Variants in LATS2 observed in about 807,000 individuals in gnomAD.
LATS2 encodes large tumor suppressor kinase 2.
A neutral mutation model predicts 76.0 loss-of-function variants in LATS2; 24 were observed. That is an observed-to-expected ratio of 0.32 (90% confidence interval 0.23 to 0.44). The LOEUF (loss-of-function observed/expected upper bound fraction) is 0.44. LATS2 is among the 20% of genes least tolerant of loss of function. The pLI, the probability that LATS2 is intolerant of heterozygous loss-of-function variation, is 1.00. For synonymous variants in LATS2, 692 were observed against 635.4 expected (o/e 1.09, Z -1.34); for missense variants, 1,286 against 1,481.2 (o/e 0.87, Z 2.16).
chr13:21,042,494 C>T (rs568169029), intron 2 of LATS2, among the ~76,000 whole-genome samples: 4 of 152,184 alleles, frequency 2.6e-5, no homozygotes, highest in East Asian at 3.9e-4. Context: ...TCCAGTCCAG[C>T]CTGGGTAACA....
Position 20,981,450 on chromosome 13 carries a change from G to C in LATS2, c.2665+16C>G, listed in dbSNP as rs1237839579. On this transcript the variant is annotated intron_variant, in intron 6 of 7. Coordinates refer to ENST00000382592, the MANE Select transcript of LATS2 (RefSeq NM_014572.3). ...AAGGAGACCTCCTGCGGGGTGGCTG[G>C]CCATGGCGCATGTACCTTTGCGGAG... 6.2e-7 allele frequency: 1 copy of C among 1,605,170 alleles called. No homozygotes were observed. The highest frequency in any genetic ancestry group is 1.3e-5 in the African/African-American group (1 of 74,764).
intron 2 of LATS2, among the ~76,000 whole-genome samples, chr13:21,031,335 G>A (rs1272818037): frequency 1.3e-5 from 2 of 152,204 alleles, no homozygotes; most frequent in East Asian, 3.9e-4. Flanking sequence ...ACATATACTG[G>A]ACAACCTCAT....
At chr13:21,020,517 T>A (rs979832694) in intron 2 of LATS2, among the ~76,000 whole-genome samples, 1 of 121,088 alleles carries the variant, frequency 8.3e-6, no homozygotes, top group African/African-American at 4.1e-5. Context: ...TACATCTACT[T>A]ACTAAGGAAA....
At chr13:20,985,044 A>T (rs1297107848) in intron 4 of LATS2, among the ~76,000 whole-genome samples, 2 of 152,222 alleles carry the variant, frequency 1.3e-5, no homozygotes, top group African/African-American at 4.8e-5. Flanking sequence ...CCAAGAATGT[A>T]CACTGAAAAA....
intron 1 of LATS2, among the ~76,000 whole-genome samples, 184 bp from the exon 2 acceptor site, chr13:21,046,414 G>A (rs900843608): frequency 1.3e-5 from 2 of 152,146 alleles, no homozygotes; most frequent in Non-Finnish European, 2.9e-5. Context: ...TGACATCTAC[G>A]GCTGTCCCAA....
chr13:21,045,740 G>A lies in LATS2; in HGVS notation c.287C>T (p.Ala96Val), dbSNP rs1873048159. The A allele has an allele frequency of 6.2e-7, 1 of 1,614,242 alleles. No individual in the cohort carries two copies. The highest frequency in any genetic ancestry group is 8.5e-7 in the Non-Finnish European group (1 of 1,180,036). ...CAGCATTTGCCGGTTCACTTCTGCA[G>A]CTGCAGAGGTGCCCGATTCATTAGC... ...PFANESGTSA[A>V]AEVNRQMLQE... The change falls in exon 2 of 8, where the codon GCT becomes GTT. Residue 96 changes from alanine to valine, a missense_variant. Physicochemically the swap from Ala to Val is moderately conservative, Grantham distance 64 (BLOSUM62 0). This residue lies in a region of LATS2 where 101 missense variants were observed against 141.4 expected (regional missense o/e 0.71). Coordinates refer to ENST00000382592, the MANE Select transcript of LATS2 (RefSeq NM_014572.3).
At chr13:21,007,489 A>G (rs1206370494) in intron 2 of LATS2, among the ~76,000 whole-genome samples, 1 of 129,284 alleles carries the variant, frequency 7.7e-6, no homozygotes, top group Non-Finnish European at 1.6e-5. Flanking sequence ...TCTTCCAATC[A>G]GAGCCAAGGA....
chr13:21,052,795 T>C lies in LATS2; in HGVS notation c.-204-6565A>G, dbSNP rs141162267. 6.2e-3 allele frequency among the ~76,000 whole-genome samples: 950 copies of C among 152,272 alleles called. 14 individuals are homozygous for C. The highest frequency in any genetic ancestry group is 0.021 in the African/African-American group (887 of 41,550). The stretch of plus-strand genomic sequence containing the variant: ...AACGTGCCTGCAGCCAGGTGCCAGG[T>C]TGGTCAGTTCTGAGCAGCATCTGAG... On this transcript the variant is annotated intron_variant, in intron 1 of 7. Transcript: ENST00000382592.
intron 4 of LATS2, 35 bp downstream of exon 4, chr13:20,987,846 C>T (rs1478837794): frequency 1.3e-6 from 2 of 1,595,254 alleles, no homozygotes; most frequent in African/African-American, 1.3e-5. Flanking sequence ...AGGGATGAGC[C>T]GGGAACAAAT....
chr13:20,988,127 G>C lies in LATS2; in HGVS notation c.1653C>G (p.Pro551=), dbSNP rs772456666. 3.7e-5 allele frequency: 59 copies of C among 1,614,112 alleles called. No individual in the cohort carries two copies. Among genetic ancestry groups the C allele is most frequent in the Non-Finnish European group, 4.9e-5 (58 of 1,180,012 alleles). Reference sequence around the variant, plus strand: ...TTTTGCGGCTCTTGTCGCCGCCCTCGGGCTCGTTGGGGCCCGCACGGAGGC... The same window carrying C: ...TTTTGCGGCTCTTGTCGCCGCCCTCCGGCTCGTTGGGGCCCGCACGGAGGC... ...EQSLRAGPNE[P]EGGDKSRKSA... is the part of the protein sequence containing the mutation. The change falls in exon 4 of 8, where the codon CCC becomes CCG. Residue 551 remains proline, a synonymous_variant. Coordinates refer to ENST00000382592, the MANE Select transcript of LATS2 (RefSeq NM_014572.3).
Position 20,988,908 on chromosome 13 carries a change from G to A in LATS2, c.872C>T (p.Thr291Met), listed in dbSNP as rs1870358624. The A allele has an allele frequency of 2.0e-6, 3 of 1,529,904 alleles. No homozygotes were observed. In the East Asian group the frequency reaches 7.2e-5, roughly 37 times the overall value. 94.8% of individuals were successfully genotyped at this position (1,529,904 alleles called of 1,614,324 possible). ...GCCTGGCGGTCCTCCCTGGCCCTTC[G>A]TGGGCAGGCTGGCGTAACCCCCGGT... The part of the protein sequence containing the change: ...PETGGYASLP[T>M]KGQGGPPGAG... Residue 291 changes from threonine (T) to methionine (M), a missense_variant, in exon 4 of 8, where the codon ACG (threonine) becomes ATG (methionine). Coordinates refer to ENST00000382592, the MANE Select transcript of LATS2 (RefSeq NM_014572.3).
At position 20,981,578 on chromosome 13, in the gene LATS2, C is replaced by T. The variant is rs1401415517; in HGVS notation, c.2553G>A (p.Gly851=). 1.9e-6 allele frequency: 3 copies of T among 1,613,924 alleles called. No individual in the cohort carries two copies. The highest frequency in any genetic ancestry group is 2.2e-5 in the East Asian group (1 of 44,890). The change falls in exon 6 of 8, where the codon GGG becomes GGA. Residue 851 remains glycine, a synonymous_variant. Transcript: ENST00000382592. The part of the protein sequence containing the change: ...LWDDVSNCRC[G]DRLKTLEQRA... The stretch of plus-strand genomic sequence containing the variant: ...TCTGCTCTAGGGTCTTCAGCCTGTC[C>T]CCACACCGACAGTTAGACACATCAT...
At chr13:21,049,914 AGTTTGAGACCAG>A (rs1873204692) in intron 1 of LATS2, among the ~76,000 whole-genome samples, 1 of 152,042 alleles carries the variant, frequency 6.6e-6, no homozygotes, top group Non-Finnish European at 1.5e-5. Context: ...TGAGGCCAGG[AGTTTGAGACCAG>A]CCTGGCCAAC....
chr13:20,986,360 AATCAACTGAAGTGTCC>A (rs1870143626), intron 4 of LATS2, among the ~76,000 whole-genome samples: 1 of 152,252 alleles, frequency 6.6e-6, no homozygotes, highest in Non-Finnish European at 1.5e-5. Flanking sequence ...AAAAACATGG[AATCAACTGAAGTGTCC>A]ATCAACTGAT....
At chr13:20,993,291 T>C (rs1335855062) in intron 2 of LATS2, among the ~76,000 whole-genome samples, 2 of 152,206 alleles carry the variant, frequency 1.3e-5, no homozygotes, top group Non-Finnish European at 2.9e-5. Flanking sequence ...CCTGAATCCA[T>C]GTTACTCATG....
At chr13:21,043,399 A>C (rs1872954967) in intron 2 of LATS2, among the ~76,000 whole-genome samples, 1 of 152,188 alleles carries the variant, frequency 6.6e-6, no homozygotes, top group Non-Finnish European at 1.5e-5. Context: ...TGATGCATAC[A>C]ACTCTAAAGG....
intron 2 of LATS2, among the ~76,000 whole-genome samples, chr13:21,006,780 G>A (rs948180688): frequency 2.0e-5 from 3 of 152,240 alleles, no homozygotes; most frequent in African/African-American, 7.2e-5. Context: ...GTAGCTGTGT[G>A]TGTTTGGGAC....
chr13:20,988,100 G>C lies in LATS2; in HGVS notation c.1680C>G (p.Ser560Arg), dbSNP rs554489329. ...CCTTTCCGCCTTTGTCCCCCTTGGCGCTTTTGCGGCTCTTGTCGCCGCCCT... is the reference window on the plus strand; with the variant it reads ...CCTTTCCGCCTTTGTCCCCCTTGGCCCTTTTGCGGCTCTTGTCGCCGCCCT... Reference protein sequence around the residue: ...EPEGGDKSRKSAKGDKGGKDK... With the variant: ...EPEGGDKSRKRAKGDKGGKDK... Residue 560 changes from serine (S) to arginine (R), a missense_variant, in exon 4 of 8, where the codon AGC becomes AGG. Physicochemically the swap from Ser to Arg is moderately radical, Grantham distance 110. This residue lies in a region of LATS2 where 710 missense variants were observed against 660.9 expected (regional missense o/e 1.07). Transcript: ENST00000382592. The C allele has an allele frequency of 1.9e-6, 3 of 1,614,146 alleles. No individual in the cohort carries two copies. Among genetic ancestry groups the C allele is most frequent in the Non-Finnish European group, 2.5e-6 (3 of 1,180,054 alleles).
intron 2 of LATS2, among the ~76,000 whole-genome samples, chr13:21,035,930 G>T (rs970792687): frequency 1.2e-4 from 18 of 152,254 alleles, no homozygotes; most frequent in African/African-American, 3.9e-4. Context: ...ACAGAGTCTT[G>T]CTCTGTCGCC....
Sources: allele counts gnomAD v4.1 joint callset (sites outside exome capture counted in the v4.1 genomes callset), GRCh38; gene constraint gnomAD v4.1.1; regional missense constraint gnomAD v4.1.1; transcripts MANE v1.5; gene names NCBI Gene and HGNC (gene_info 2026-07-23, HGNC 2026-07-21).